PAN3: variants seen among roughly 807,000 people sequenced by gnomAD.
PAN3 encodes poly(A) specific ribonuclease subunit PAN3, also known as PAN2-PAN3 deadenylation complex subunit PAN3.
Under a neutral mutation model 96.2 loss-of-function variants are expected in PAN3, and 19 were observed. The ratio of observed to expected loss-of-function variants is 0.20; its 90% CI spans 0.14 to 0.29. The LOEUF (loss-of-function observed/expected upper bound fraction) is 0.29. Ranked by LOEUF, PAN3 falls within the 10% of genes least tolerant of loss-of-function variation. PAN3 has a pLI of 1.00. For missense variants in PAN3, 882 were observed against 1,108.1 expected (o/e 0.80, Z 2.90); for synonymous variants, 433 against 406.6 (o/e 1.06, Z -0.78).
At chr13:28,246,854 G>A (rs1221489454) in intron 6 of PAN3, among the ~76,000 whole-genome samples, 1 of 151,882 alleles carries the variant, frequency 6.6e-6, no homozygotes, top group Admixed American at 6.6e-5. Flanking sequence ...TCTGTATCTC[G>A]GCTATTGTGA....
chr13:28,166,289 A>G (rs1873527308), intron 1 of PAN3, among the ~76,000 whole-genome samples: 1 of 152,224 alleles, frequency 6.6e-6, no homozygotes, highest in South Asian at 2.1e-4. Flanking sequence ...AGAAATTGGA[A>G]AGAAGAAAGG....
intron 4 of PAN3, among the ~76,000 whole-genome samples, chr13:28,194,848 A>G (rs1248374223): frequency 1.3e-5 from 2 of 152,130 alleles, no homozygotes; most frequent in Non-Finnish European, 2.9e-5. Context: ...TTCTATTTGA[A>G]CACAAAAATG....
At chr13:28,245,023 A>G (rs1408817755) in intron 6 of PAN3, among the ~76,000 whole-genome samples, 1 of 151,784 alleles carries the variant, frequency 6.6e-6, no homozygotes. Flanking sequence ...TTATTTTTGT[A>G]TTTTTAGTAG....
At chr13:28,175,064 T>C (rs1874787100) in intron 2 of PAN3, among the ~76,000 whole-genome samples, 1 of 152,194 alleles carries the variant, frequency 6.6e-6, no homozygotes, top group South Asian at 2.1e-4. Flanking sequence ...TGATTTGTAT[T>C]GCACAATTTT....
chr13:28,281,766 C>CTTTTTTTTTTT (rs10707261), intron 17 of PAN3, among the ~76,000 whole-genome samples: 10 of 114,958 alleles, frequency 8.7e-5, no homozygotes, highest in Non-Finnish European at 1.2e-4. Context: ...TTAAAGCACA[C>CTTTTTTTTTTT]TTTTTTTTTT....
At chr13:28,168,490 G>A (rs557054713) in intron 1 of PAN3, among the ~76,000 whole-genome samples, 3 of 152,250 alleles carry the variant, frequency 2.0e-5, no homozygotes, top group Admixed American at 6.5e-5. Flanking sequence ...AGGCTGAGGC[G>A]AGTGGATCAC....
chr13:28,279,945 GC>G (rs1240356307), intron 15 of PAN3, among the ~76,000 whole-genome samples: 1 of 151,442 alleles, frequency 6.6e-6, no homozygotes, highest in African/African-American at 2.4e-5. Flanking sequence ...GACTACAGGT[GC>G]CCGCCACCAT....
chr13:28,245,157 A>C (rs1884059118), intron 6 of PAN3, among the ~76,000 whole-genome samples: 1 of 152,150 alleles, frequency 6.6e-6, no homozygotes, highest in South Asian at 2.1e-4. Context: ...AGCTTGGCTA[A>C]TATTTTTAAA....
chr13:28,292,303 T>A (rs1263248432), intron 18 of PAN3, 79 bp from the exon 19 acceptor site: 25 of 1,373,790 alleles, frequency 1.8e-5, no homozygotes, highest in Non-Finnish European at 2.3e-5. Context: ...TTAGATATTT[T>A]ATTTATTTTT....
intron 6 of PAN3, among the ~76,000 whole-genome samples, chr13:28,247,272 T>A (rs917520313): frequency 6.6e-6 from 1 of 152,118 alleles, no homozygotes; most frequent in African/African-American, 2.4e-5. Context: ...TATTTGGATT[T>A]ATTTTTTTAT....
At chr13:28,164,388 G>C (rs1555270836) in intron 1 of PAN3, among the ~76,000 whole-genome samples, 1 of 152,348 alleles carries the variant, frequency 6.6e-6, no homozygotes, top group East Asian at 1.9e-4. Context: ...TAGCATGATA[G>C]TTGAGAACAA....
chr13:28,146,306 C>CTCTG (rs1555267960), intron 1 of PAN3, among the ~76,000 whole-genome samples: 1 of 150,582 alleles, frequency 6.6e-6, no homozygotes, highest in Non-Finnish European at 1.5e-5. Context: ...CTCTGTCTCT[C>CTCTG]TCTCTCTCTC....
intron 5 of PAN3, among the ~76,000 whole-genome samples, chr13:28,216,687 C>A (rs1880808814): frequency 6.6e-6 from 1 of 152,088 alleles, no homozygotes; most frequent in Non-Finnish European, 1.5e-5. Context: ...ATATTAGTTT[C>A]TCATTCATCC....
At chr13:28,154,492 T>A (rs1871830625) in intron 1 of PAN3, among the ~76,000 whole-genome samples, 1 of 152,022 alleles carries the variant, frequency 6.6e-6, no homozygotes, top group African/African-American at 2.4e-5. Flanking sequence ...GTTTGTATTT[T>A]TTATATATTT....
At chr13:28,247,935 G>GT (rs1014277686) in intron 6 of PAN3, among the ~76,000 whole-genome samples, 4 of 152,104 alleles carry the variant, frequency 2.6e-5, no homozygotes, top group East Asian at 3.9e-4. Flanking sequence ...ATTTTGTATT[G>GT]TTTTTTCTGT....
intron 1 of PAN3, among the ~76,000 whole-genome samples, chr13:28,153,232 CTTTTTTTT>C (rs10651877): frequency 3.9e-5 from 4 of 101,532 alleles, no homozygotes; most frequent in Non-Finnish European, 7.5e-5. Context: ...GTATAATACG[CTTTTTTTT>C]TTTTTTTTTT....
chr13:28,220,905 G>C (rs1189917070), intron 6 of PAN3, among the ~76,000 whole-genome samples: 2 of 152,078 alleles, frequency 1.3e-5, no homozygotes, highest in East Asian at 1.9e-4. Context: ...TACTACATGA[G>C]GGATCATTGC....
chr13:28,202,035 C>T (rs933519783), intron 5 of PAN3, among the ~76,000 whole-genome samples: 2 of 151,954 alleles, frequency 1.3e-5, no homozygotes, highest in Non-Finnish European at 2.9e-5. Flanking sequence ...CTTGCCTTCT[C>T]TTTCATTCTA....
At chr13:28,150,397 G>T (rs577357031) in intron 1 of PAN3, among the ~76,000 whole-genome samples, 24 of 152,152 alleles carry the variant, frequency 1.6e-4, no homozygotes, top group African/African-American at 5.3e-4. Flanking sequence ...AGGCCGAGGC[G>T]GGCAGATCAT....
Sources: gnomAD v4.1 joint callset for allele counts (sites outside exome capture counted in the v4.1 genomes callset) on GRCh38, gnomAD v4.1.1 for gene constraint, MANE v1.5 for transcripts, NCBI Gene and HGNC (gene_info 2026-07-23, HGNC 2026-07-21) for gene names.